PDE1C: variants seen among roughly 807,000 people sequenced by gnomAD.
PDE1C encodes the protein phosphodiesterase 1C.
PDE1C carries 62 observed loss-of-function variants against 93.1 expected under a neutral mutation model. The ratio of observed to expected loss-of-function variants is 0.67; its 90% CI spans 0.54 to 0.82. The LOEUF (loss-of-function observed/expected upper bound fraction) is 0.82, where lower values mean the gene tolerates loss of function less well. Among genes scored for constraint, PDE1C ranks in the 40% least tolerant of loss-of-function variants. The pLI is 0.00. For synonymous variants in PDE1C, 325 were observed against 310.1 expected, an observed-to-expected ratio of 1.05 and a Z score of -0.50; for missense variants, 742 against 884.6, an observed-to-expected ratio of 0.84 and a Z score of 2.04.
At chr7:32,070,452 C>T, upstream of PDE1C, 6 of 1,595,662 alleles carry the variant, frequency 3.8e-6, no homozygotes, top group South Asian at 1.1e-5. Context: ...GTCCCCTCCC[C>T]GTCTCCTCGC....
intron 2 of PDE1C, among the ~76,000 whole-genome samples, chr7:31,939,778 A>C (rs2128996666): frequency 6.6e-6 from 1 of 152,328 alleles, no homozygotes; most frequent in African/African-American, 2.4e-5. Context: ...GGAAGGGATA[A>C]AACTCAAGAG....
intron 2 of PDE1C, among the ~76,000 whole-genome samples, chr7:31,883,326 A>G (rs894635234): frequency 6.6e-6 from 1 of 152,256 alleles, no homozygotes; most frequent in African/African-American, 2.4e-5. Flanking sequence ...GTGAGTCTCC[A>G]GTTAAATGGA....
chr7:31,624,269 T>G, the PDE1C span, among the ~76,000 whole-genome samples: 1 of 144,744 alleles, frequency 6.9e-6, no homozygotes, highest in Non-Finnish European at 1.5e-5. Flanking sequence ...TGGAAAAAAC[T>G]ACTTTAAAGT....
intron 3 of PDE1C, among the ~76,000 whole-genome samples, chr7:32,100,032 A>C (rs1797968150): frequency 6.6e-6 from 1 of 152,216 alleles, no homozygotes; most frequent in African/African-American, 2.4e-5. Context: ...ATTGAAAAAA[A>C]GCATTTTTTG....
chr7:31,773,843 C>T (rs1343789374), intron 17 of PDE1C, among the ~76,000 whole-genome samples: 1 of 152,108 alleles, frequency 6.6e-6, no homozygotes, highest in South Asian at 2.1e-4. Flanking sequence ...AAAAAGCCAC[C>T]TATCAATGTA....
At chr7:32,037,553 T>C (rs1401941373) in intron 2 of PDE1C, among the ~76,000 whole-genome samples, 2 of 152,174 alleles carry the variant, frequency 1.3e-5, no homozygotes, top group Admixed American at 6.6e-5. Flanking sequence ...CTGTTTTTCT[T>C]ACTCATCCTT....
chr7:32,032,324 T>A (rs549394459), intron 2 of PDE1C, among the ~76,000 whole-genome samples: 1 of 152,322 alleles, frequency 6.6e-6, no homozygotes, highest in South Asian at 2.1e-4. Context: ...TGTCAGGCTG[T>A]GTCCCAGACC....
chr7:31,963,541 T>G (rs1331212545), intron 2 of PDE1C, among the ~76,000 whole-genome samples: 2 of 152,238 alleles, frequency 1.3e-5, no homozygotes, highest in South Asian at 2.1e-4. Context: ...CAATTATGAC[T>G]GGTATTCTTT....
At chr7:31,710,544 C>T in the PDE1C span, among the ~76,000 whole-genome samples, 1 of 152,070 alleles carries the variant, frequency 6.6e-6, no homozygotes, top group African/African-American at 2.4e-5. Context: ...CTGTGCTGTC[C>T]AGGTTGTTTT....
chr7:31,706,774 G>C, the PDE1C span, among the ~76,000 whole-genome samples: 1,004 of 152,286 alleles, frequency 6.6e-3, 9 homozygotes, highest in African/African-American at 0.023. Context: ...CTTATTTAAT[G>C]GTCACAATAA....
At chr7:32,176,032 G>T (rs369757414) in intron 2 of PDE1C, among the ~76,000 whole-genome samples, 33 of 152,086 alleles carry the variant, frequency 2.2e-4, no homozygotes, top group African/African-American at 8.0e-4. Context: ...ACATCTTACT[G>T]GTTTATTCAT....
chr7:31,962,846 C>A (rs113528105), intron 2 of PDE1C, among the ~76,000 whole-genome samples: 1 of 152,108 alleles, frequency 6.6e-6, no homozygotes, highest in Non-Finnish European at 1.5e-5. Flanking sequence ...GGGCTTGCTA[C>A]ATGAGAAGTA....
chr7:31,663,301 G>A, the PDE1C span, among the ~76,000 whole-genome samples: 3 of 152,196 alleles, frequency 2.0e-5, no homozygotes, highest in Admixed American at 6.5e-5. Context: ...CCCCAATTCC[G>A]CCACCACTGC....
At chr7:31,997,404 T>G (rs781532974) in intron 2 of PDE1C, among the ~76,000 whole-genome samples, 1 of 152,200 alleles carries the variant, frequency 6.6e-6, no homozygotes, top group Non-Finnish European at 1.5e-5. Context: ...ATGGTTGGAT[T>G]CAGGTCTTTT....
At chr7:31,851,108 A>AG (rs397975493) in intron 7 of PDE1C, among the ~76,000 whole-genome samples, 3 of 151,106 alleles carry the variant, frequency 2.0e-5, no homozygotes, top group African/African-American at 4.9e-5. Flanking sequence ...ACATAAAAAA[A>AG]TTAGAAATTT....
chr7:31,661,915 T>C, the PDE1C span, among the ~76,000 whole-genome samples: 8 of 152,206 alleles, frequency 5.3e-5, no homozygotes, highest in African/African-American at 1.4e-4. Context: ...CAATCGCATT[T>C]GCACCTTTGA....
rs924014437 is a variant in PDE1C at position 32,249,738 on chromosome 7, TA to T, written c.86-40200del. Reference sequence around the variant, plus strand: ...GATGTCATTATTTCAATTTTGCAGATAAAAAAAATTAAGGCACAAAAATAAG... The same window carrying T: ...GATGTCATTATTTCAATTTTGCAGATAAAAAAATTAAGGCACAAAAATAAG... On this transcript the variant is annotated intron_variant, in intron 1 of 18. Coordinates refer to the PDE1C transcript ENST00000396193. Among the ~76,000 whole-genome samples the T allele has an allele frequency of 5.1e-4, 78 of 152,000 alleles. 1 individual carries two copies. The highest frequency in any genetic ancestry group is 1.3e-4 in the Non-Finnish European group (9 of 67,990).
At chr7:31,851,250 A>G (rs1021425449) in intron 7 of PDE1C, among the ~76,000 whole-genome samples, 6 of 152,188 alleles carry the variant, frequency 3.9e-5, no homozygotes, top group African/African-American at 1.4e-4. Context: ...TGATGTTTGA[A>G]AGGACTTCTC....
intron 2 of PDE1C, among the ~76,000 whole-genome samples, chr7:32,197,012 C>A (rs553158692): frequency 6.6e-6 from 1 of 152,144 alleles, no homozygotes; most frequent in African/African-American, 2.4e-5. Flanking sequence ...GAAACTAACA[C>A]TTTAGGGGTT....
Sources: allele counts gnomAD v4.1 joint callset (sites outside exome capture counted in the v4.1 genomes callset), GRCh38; gene constraint gnomAD v4.1.1; transcripts MANE v1.5; gene names NCBI Gene and HGNC (gene_info 2026-07-23, HGNC 2026-07-21).